Variants in MED12L observed in about 807,000 individuals in gnomAD.
The protein encoded by MED12L is mediator complex subunit 12L.
MED12L carries 60 observed loss-of-function variants against 281.3 expected under a neutral mutation model. That is an observed-to-expected ratio of 0.21 (90% CI 0.17 to 0.26). MED12L has a LOEUF of 0.26. Among genes scored for constraint, MED12L ranks in the 10% least tolerant of loss-of-function variants. The pLI, the probability that MED12L is intolerant of heterozygous loss-of-function variation, is 1.00. For missense variants in MED12L, 2,146 were observed against 2,680.9 expected (o/e 0.80, Z 4.41); for synonymous variants, 974 against 987.2 (o/e 0.99, Z 0.25).
intron 16 of MED12L, among the ~76,000 whole-genome samples, chr3:151,315,277 A>G (rs1200878611): frequency 6.6e-6 from 1 of 152,176 alleles, no homozygotes; most frequent in African/African-American, 2.4e-5. Context: ...GATATTAAGG[A>G]AGAAAAGCAG....
At chr3:151,224,530 A>C (rs1730092279) in intron 16 of MED12L, among the ~76,000 whole-genome samples, 1 of 151,854 alleles carries the variant, frequency 6.6e-6, no homozygotes, top group South Asian at 2.1e-4. Context: ...GTGTTATTAC[A>C]TTTTATGTTA....
intron 4 of MED12L, among the ~76,000 whole-genome samples, chr3:151,125,175 A>G (rs1254741995): frequency 1.3e-5 from 2 of 152,264 alleles, no homozygotes; most frequent in Non-Finnish European, 2.9e-5. Flanking sequence ...GAGGAAGTCA[A>G]TACTTTAGTC....
chr3:151,375,404 T>C (rs1756706249), intron 27 of MED12L, among the ~76,000 whole-genome samples: 1 of 152,142 alleles, frequency 6.6e-6, no homozygotes, highest in African/African-American at 2.4e-5. Context: ...GAAAAGGCAA[T>C]AGGAGTTTAA....
At chr3:151,096,666 A>T (rs1484003793) in intron 2 of MED12L, among the ~76,000 whole-genome samples, 2 of 152,164 alleles carry the variant, frequency 1.3e-5, no homozygotes, top group African/African-American at 4.8e-5. Flanking sequence ...TGGGGGGGGA[A>T]GCCATGCATG....
chr3:151,315,377 C>T (rs539591689), intron 16 of MED12L, among the ~76,000 whole-genome samples: 2 of 152,312 alleles, frequency 1.3e-5, no homozygotes, highest in Non-Finnish European at 2.9e-5. Flanking sequence ...TCTCTGAATG[C>T]AGTAAATCCT....
At chr3:151,106,396 A>G (rs1722075113) in intron 2 of MED12L, among the ~76,000 whole-genome samples, 1 of 132,798 alleles carries the variant, frequency 7.5e-6, no homozygotes, top group African/African-American at 3.0e-5. Context: ...TTAATATGAA[A>G]TTCCTGGTCT....
At chr3:151,259,365 C>T (rs542640515) in intron 16 of MED12L, among the ~76,000 whole-genome samples, 2 of 152,296 alleles carry the variant, frequency 1.3e-5, no homozygotes, top group African/African-American at 2.4e-5. Context: ...CCAGGAAATA[C>T]TTTCAGTGAG....
intron 43 of MED12L, among the ~76,000 whole-genome samples, chr3:151,429,990 G>A (rs1719296326): frequency 6.6e-6 from 1 of 152,198 alleles, no homozygotes; most frequent in African/African-American, 2.4e-5. Context: ...AGCTGGTGAA[G>A]GGTGAGATGA....
intron 16 of MED12L, among the ~76,000 whole-genome samples, chr3:151,246,269 A>G (rs1186128031): frequency 6.6e-6 from 1 of 152,172 alleles, no homozygotes; most frequent in Admixed American, 6.5e-5. Flanking sequence ...GGAAAAAACT[A>G]CTTTAAAGTT....
At chr3:151,264,777 A>ATG (rs1553763006) in intron 16 of MED12L, among the ~76,000 whole-genome samples, 1 of 151,918 alleles carries the variant, frequency 6.6e-6, no homozygotes, top group South Asian at 2.1e-4. Context: ...GTGTGTGTGT[A>ATG]TGTGTGTGTG....
At chr3:151,391,173 A>G (rs917224689) in intron 38 of MED12L, among the ~76,000 whole-genome samples, 1 of 152,250 alleles carries the variant, frequency 6.6e-6, no homozygotes, top group Non-Finnish European at 1.5e-5. Flanking sequence ...GATGAAATAA[A>G]GTTTATGTTA....
intron 16 of MED12L, chr3:151,213,422 A>T (rs1313375743): frequency 8.7e-6 from 14 of 1,614,056 alleles, no homozygotes; most frequent in Non-Finnish European, 1.0e-5. Context: ...AACGGCTGGC[A>T]TAGAAAGAAA....
chr3:151,236,735 T>C (rs1425968839), intron 16 of MED12L, among the ~76,000 whole-genome samples: 1 of 152,258 alleles, frequency 6.6e-6, no homozygotes, highest in Non-Finnish European at 1.5e-5. Context: ...GATTTTTCTA[T>C]ATATTTTACT....
chr3:151,300,016 A>G (rs749966921), intron 16 of MED12L: 2 of 1,225,694 alleles, frequency 1.6e-6, no homozygotes, highest in Admixed American at 3.4e-5. Flanking sequence ...CAGTGGAAAT[A>G]ATAGTCATCA....
chr3:151,267,600 A>C (rs547116098), intron 16 of MED12L, among the ~76,000 whole-genome samples: 1 of 152,304 alleles, frequency 6.6e-6, no homozygotes, highest in South Asian at 2.1e-4. Context: ...TTTTAAAGCC[A>C]CCTAAATCCT....
intron 43 of MED12L, chr3:151,425,692 G>A (rs1718801733): frequency 2.2e-6 from 1 of 456,608 alleles, no homozygotes; most frequent in African/African-American, 2.0e-5. Flanking sequence ...TGTGGTTACA[G>A]CAGGAGCATG....
chr3:151,202,860 T>C (rs1576958004), intron 16 of MED12L, among the ~76,000 whole-genome samples: 1 of 152,226 alleles, frequency 6.6e-6, no homozygotes, highest in East Asian at 1.9e-4. Flanking sequence ...TGAATAGTTA[T>C]GCTCGCTCAG....
At chr3:151,260,143 G>A (rs1738586469) in intron 16 of MED12L, among the ~76,000 whole-genome samples, 3 of 152,300 alleles carry the variant, frequency 2.0e-5, no homozygotes, top group Non-Finnish European at 4.4e-5. Context: ...GTGTGTTTCA[G>A]TTGTGGAAAG....
chr3:151,188,185 A>C, intron 12 of MED12L, 169 bp from the exon 13 acceptor site: 1 of 480,486 alleles, frequency 2.1e-6, no homozygotes, highest in Non-Finnish European at 3.6e-6. Context: ...ACTTGGATGG[A>C]GAAATTATAT....
Sources: gnomAD v4.1 joint callset for allele counts (sites outside exome capture counted in the v4.1 genomes callset) on GRCh38, gnomAD v4.1.1 for gene constraint, MANE v1.5 for transcripts, NCBI Gene and HGNC (gene_info 2026-07-23, HGNC 2026-07-21) for gene names.